Variants in ABR observed in about 807,000 individuals in gnomAD.
The protein encoded by ABR is active breakpoint cluster region-related protein.
In ABR, 35 loss-of-function variants were observed where a neutral mutation model predicts 107.2. The ratio of observed to expected loss-of-function variants is 0.33; its 90% confidence interval spans 0.25 to 0.43. The LOEUF (loss-of-function observed/expected upper bound fraction) is 0.43. Among genes scored for constraint, ABR ranks in the 20% least tolerant of loss-of-function variants. The pLI is 1.00. For missense variants in ABR, 815 were observed against 1,115.2 expected, an observed-to-expected ratio of 0.73 and a Z score of 3.83; for synonymous variants, 498 against 462.0, an observed-to-expected ratio of 1.08 and a Z score of -1.00.
intron 1 of ABR, among the ~76,000 whole-genome samples, chr17:1,195,318 A>T (rs8075820): frequency 0.037 from 5,453 of 145,976 alleles, 440 homozygotes; most frequent in African/African-American, 0.13. Context: ...AAAAAAAAAA[A>T]GTCCTGGCCT....
intron 1 of ABR, among the ~76,000 whole-genome samples, chr17:1,222,218 C>T (rs541706518): frequency 3.8e-4 from 58 of 152,186 alleles, no homozygotes; most frequent in African/African-American, 1.3e-3. Context: ...GTATGTGCCA[C>T]TCTGCCCGGA....
At chr17:1,021,536 TG>T (rs1567589728) in intron 16 of ABR, among the ~76,000 whole-genome samples, 1 of 152,202 alleles carries the variant, frequency 6.6e-6, no homozygotes, top group Non-Finnish European at 1.5e-5. Context: ...CCAGGTGCGG[TG>T]GCTCACGCCT....
intron 3 of ABR, among the ~76,000 whole-genome samples, chr17:1,099,141 T>A (rs2037700115): frequency 6.6e-6 from 1 of 150,762 alleles, no homozygotes; most frequent in Non-Finnish European, 1.5e-5. Flanking sequence ...AGTGGCGCAC[T>A]CTCAGCTCAC....
chr17:1,133,967 C>T (rs2039951003), intron 1 of ABR, among the ~76,000 whole-genome samples: 2 of 152,212 alleles, frequency 1.3e-5, no homozygotes, highest in Non-Finnish European at 2.9e-5. Context: ...GGCTTTACTG[C>T]TGCCACCAGG....
At chr17:1,213,463 C>T (rs1480190110) in intron 1 of ABR, among the ~76,000 whole-genome samples, 2 of 150,288 alleles carry the variant, frequency 1.3e-5, no homozygotes, top group East Asian at 2.0e-4. Context: ...AATCTCGGCT[C>T]ACTGCAACCT....
intron 6 of ABR, chr17:1,079,098 C>A (rs1394356696): frequency 4.5e-5 from 64 of 1,435,252 alleles, no homozygotes; most frequent in Non-Finnish European, 5.8e-5. Flanking sequence ...CTGCTGGCAT[C>A]CTAAAGAGGA....
At position 1,051,024 on chromosome 17, in the gene ABR, T is replaced by C. The variant is rs939653244; in HGVS notation, c.1562-390A>G. Among the ~76,000 whole-genome samples, 1 of 151,930 alleles carries C rather than the reference T, an allele frequency of 6.6e-6. No homozygotes were observed. Among genetic ancestry groups the C allele is most frequent in the African/African-American group, 2.4e-5 (1 of 41,352 alleles). ...TCACCATGGAGACGACACCACAAAC[T>C]CTTCACTGACCGCCCTGGAGCCACC... On this transcript the variant is annotated intron_variant, in intron 14 of 22. Coordinates refer to ENST00000302538, the MANE Select transcript of ABR (RefSeq NM_021962.5). The surrounding 1 kb of genome is among the most constrained non-coding windows in gnomAD (Gnocchi z 4.3).
intron 1 of ABR, among the ~76,000 whole-genome samples, chr17:1,220,549 T>C (rs995993596): frequency 1.3e-5 from 2 of 152,124 alleles, no homozygotes; most frequent in African/African-American, 4.8e-5. Context: ...TCACGGGGAT[T>C]TCTGCTTATG....
chr17:1,083,332 A>G (rs1043243568), intron 5 of ABR, 188 bp downstream of exon 5: 4 of 357,642 alleles, frequency 1.1e-5, no homozygotes, highest in Non-Finnish European at 2.0e-5. Flanking sequence ...TAATAAAAAA[A>G]TAAATAAAAT....
chr17:1,076,660 C>T (rs1026375746), intron 6 of ABR, among the ~76,000 whole-genome samples: 6 of 142,870 alleles, frequency 4.2e-5, no homozygotes, highest in African/African-American at 1.3e-4. Context: ...CCAGAGTCCA[C>T]CTGAGTAAGG....
At chr17:1,079,490 G>T in intron 5 of ABR, 100 bp from the exon 6 acceptor site, 1 of 1,137,452 alleles carries the variant, frequency 8.8e-7, no homozygotes, top group Non-Finnish European at 1.3e-6. Flanking sequence ...AACTCAGGGT[G>T]TACATATGAG....
intron 14 of ABR, among the ~76,000 whole-genome samples, chr17:1,054,141 C>T (rs900480660): frequency 7.2e-5 from 11 of 152,212 alleles, no homozygotes; most frequent in African/African-American, 2.7e-4. Context: ...GTGTGTAAAA[C>T]AGGGATGGTT....
At chr17:1,135,377 CTTTTT>C (rs71148437) in intron 1 of ABR, among the ~76,000 whole-genome samples, 4 of 51,382 alleles carry the variant, frequency 7.8e-5, no homozygotes, top group Non-Finnish European at 2.3e-4. Flanking sequence ...TTCTTTTTGT[CTTTTT>C]TTTTTTTTTT....
intron 1 of ABR, among the ~76,000 whole-genome samples, chr17:1,173,385 C>T (rs1348037321): frequency 6.9e-6 from 1 of 144,476 alleles, no homozygotes; most frequent in Non-Finnish European, 1.5e-5. Context: ...CCCCACACAT[C>T]ACCAACACCC....
In ABR at chr17:1,075,741, T is replaced by A. The variant is rs80149566; in HGVS notation, c.701-2064A>T. Among the ~76,000 whole-genome samples, 57 of 152,328 alleles carry A rather than the reference T, an allele frequency of 3.7e-4. No homozygotes were observed. The East Asian group carries it at 6.2e-3, about 16-fold the overall frequency. On this transcript the variant is annotated intron_variant, in intron 6 of 22. Transcript: ENST00000302538. ...ATTTATGTATTTATTTTAATTTTTT[T>A]AAAAATATAGAGACGAGGGGCCGGG...
At chr17:1,025,109 G>C (rs1419493915) in intron 16 of ABR, among the ~76,000 whole-genome samples, 1 of 38,138 alleles carries the variant, frequency 2.6e-5, no homozygotes, top group Non-Finnish European at 5.5e-5. Flanking sequence ...GCGACAGCGA[G>C]ACTCCGTCTC....
chr17:1,173,881 T>C (rs1276670712), intron 1 of ABR, among the ~76,000 whole-genome samples: 2 of 152,226 alleles, frequency 1.3e-5, no homozygotes, highest in Non-Finnish European at 2.9e-5. Flanking sequence ...CTTTCCCGGA[T>C]GAGGAGCGCA....
intron 16 of ABR, among the ~76,000 whole-genome samples, chr17:1,020,467 T>C (rs1398335562): frequency 6.6e-6 from 1 of 152,192 alleles, no homozygotes; most frequent in Non-Finnish European, 1.5e-5. Context: ...ACGCTGGCGC[T>C]GGGGGCTCAT....
rs1046154179 is a variant in ABR at position 1,070,342 on chromosome 17, A to G, written c.895-252T>C. Among the ~76,000 whole-genome samples, 1 of 152,112 alleles carries G rather than the reference A, an allele frequency of 6.6e-6. No homozygotes were observed. The highest frequency in any genetic ancestry group is 1.5e-5 in the Non-Finnish European group (1 of 68,018). ...CTGAATCCCAGATTCACCTTCTGTT[A>G]AGTGCGGACAGTGAGGTCTGCCTCA... On this transcript the variant is annotated intron_variant, in intron 8 of 22. Coordinates refer to ENST00000302538, the MANE Select transcript of ABR (RefSeq NM_021962.5). This position sits in a 1 kb window ranked among gnomAD's most constrained non-coding sequence, Gnocchi z 4.2.
Sources: allele counts gnomAD v4.1 joint callset (sites outside exome capture counted in the v4.1 genomes callset), GRCh38; gene constraint gnomAD v4.1.1; non-coding constraint Gnocchi (gnomAD v3.1); transcripts MANE v1.5; gene names NCBI Gene and HGNC (gene_info 2026-07-23, HGNC 2026-07-21).